The following RALGPS1 variants were observed in gnomAD, a reference collection of about 807,000 sequenced individuals.
The protein encoded by RALGPS1 is Ral GEF with PH domain and SH3 binding motif 1, also known as ras-specific guanine nucleotide-releasing factor RalGPS1.
Under a neutral mutation model 78.8 loss-of-function variants are expected in RALGPS1, and 19 were observed. The ratio of observed to expected loss-of-function variants is 0.24; its 90% confidence interval spans 0.17 to 0.35. The LOEUF is 0.35. Among genes scored for constraint, RALGPS1 ranks in the 10% least tolerant of loss-of-function variants. The pLI, the probability that RALGPS1 is intolerant of heterozygous loss-of-function variation, is 1.00. For missense variants in RALGPS1, 454 were observed against 688.3 expected, an observed-to-expected ratio of 0.66 and a Z score of 3.81; for synonymous variants, 228 against 256.3, an observed-to-expected ratio of 0.89 and a Z score of 1.06.
rs184602532 is a variant in RALGPS1 at position 127,205,269 on chromosome 9, G to A, written c.1247+6203G>A. ...AGCCTCTTCAGGTCCCAGGCCCCCC[G>A]TCGAGGGATCACTAGGGTTCTCTTC... On this transcript the variant is annotated intron_variant, in intron 14 of 18. Transcript: ENST00000259351. The surrounding 1 kb of genome is among the most constrained non-coding windows in gnomAD (Gnocchi z 4.0). Among the ~76,000 whole-genome samples the A allele has an allele frequency of 1.7e-3, 252 of 152,334 alleles. No individual in the cohort carries two copies. Among genetic ancestry groups the A allele is most frequent in the Non-Finnish European group, 3.1e-3 (212 of 68,022 alleles).
At chr9:126,925,993 C>T (rs567313396) in intron 1 of RALGPS1, among the ~76,000 whole-genome samples, 1 of 152,340 alleles carries the variant, frequency 6.6e-6, no homozygotes, top group East Asian at 1.9e-4. Flanking sequence ...ATGTTCTGGT[C>T]ATGGCCTTGT....
intron 11 of RALGPS1, chr9:127,177,991 C>T: frequency 6.5e-7 from 1 of 1,540,936 alleles, no homozygotes; most frequent in Non-Finnish European, 8.8e-7. Flanking sequence ...CATGAAGAGA[C>T]TTTAATGAAC....
chr9:126,946,408 C>G (rs1269511268), intron 1 of RALGPS1, among the ~76,000 whole-genome samples: 1 of 152,006 alleles, frequency 6.6e-6, no homozygotes, highest in Non-Finnish European at 1.5e-5. Context: ...GTGGCACACA[C>G]CTGTAATCCC....
chr9:127,017,572 A>G (rs1022117154), intron 4 of RALGPS1, among the ~76,000 whole-genome samples: 1 of 152,168 alleles, frequency 6.6e-6, no homozygotes, highest in Non-Finnish European at 1.5e-5. Flanking sequence ...AATCTATAAA[A>G]AATTTTCTTC....
At chr9:127,030,173 T>C (rs887214806) in intron 4 of RALGPS1, among the ~76,000 whole-genome samples, 5 of 152,192 alleles carry the variant, frequency 3.3e-5, no homozygotes, top group Non-Finnish European at 7.3e-5. Context: ...AAAGAAGGTA[T>C]GGCCAGGAGG....
Position 127,050,698 on chromosome 9 carries a change from T to C in RALGPS1, c.390+566T>C, listed in dbSNP as rs188754902. Among the ~76,000 whole-genome samples, 26 of 152,100 alleles carry C rather than the reference T, an allele frequency of 1.7e-4. No individual in the cohort carries two copies. In the East Asian group the frequency reaches 4.8e-3, roughly 28 times the overall value. The stretch of plus-strand genomic sequence containing the variant: ...TCACCTTTTCCCTTCTTTTCCCTTA[T>C]CTCTAGGAATGCTATGCCATCCCGT... On this transcript the variant is annotated intron_variant, in intron 6 of 18. Transcript: ENST00000259351.
chr9:126,953,895 C>T (rs781584648), intron 1 of RALGPS1, among the ~76,000 whole-genome samples: 75 of 152,268 alleles, frequency 4.9e-4, no homozygotes, highest in Middle Eastern at 3.4e-3. Context: ...GTCCCCAGAG[C>T]CCATTTAATC....
intron 11 of RALGPS1, among the ~76,000 whole-genome samples, chr9:127,186,248 C>T (rs189698776): frequency 3.9e-4 from 60 of 152,230 alleles, no homozygotes; most frequent in Admixed American, 3.9e-3. Context: ...GCTAAAGAAA[C>T]AGCCACTTAA....
rs1257576382 is a variant in RALGPS1, at chr9:127,222,221, C to T, written c.*3452C>T. On this transcript the variant is annotated 3_prime_UTR_variant, in exon 19 of 19. Coordinates refer to ENST00000259351, the MANE Select transcript of RALGPS1 (RefSeq NM_014636.3). ...ACCTATCTCCTTAGGCAAGACTTTG[C>T]CTCTCTCCTAGTCCTGAGTATAAAT... is the stretch of plus-strand genomic sequence containing the variant. 6.6e-6 allele frequency: 1 copy of T among 152,240 alleles called. No homozygotes were observed. Among genetic ancestry groups the T allele is most frequent in the Non-Finnish European group, 1.5e-5 (1 of 68,072 alleles). 9.4% of individuals were successfully genotyped at this position (152,240 alleles called of 1,614,324 possible).
intron 7 of RALGPS1, among the ~76,000 whole-genome samples, chr9:127,064,501 A>G (rs2049503937): frequency 6.6e-6 from 1 of 152,230 alleles, no homozygotes; most frequent in African/African-American, 2.4e-5. Context: ...TAGTGAAACA[A>G]CTAACATTCG....
rs1474492210 is a variant in RALGPS1 at position 127,166,163 on chromosome 9, T to C, written c.705T>C (p.Asn235=). The C allele has an allele frequency of 2.5e-6, 4 of 1,613,844 alleles. No individual in the cohort carries two copies. Among genetic ancestry groups the C allele is most frequent in the Admixed American group, 1.7e-5 (1 of 59,958 alleles). Residue 235 remains asparagine, a synonymous_variant, in exon 9 of 19, where the codon AAT becomes AAC. Transcript: ENST00000259351. ...ENEQRSNQMN[N]ILRIIADLQV... ...AACAAAGATCCAATCAGATGAACAA[T>C]ATTCTTCGAATAATTGCTGATTTAC...
chr9:127,073,666 A>G (rs1003467737), intron 8 of RALGPS1, among the ~76,000 whole-genome samples: 4 of 152,132 alleles, frequency 2.6e-5, no homozygotes, highest in African/African-American at 7.2e-5. Flanking sequence ...TTTTCAAGCA[A>G]TCGCTATACT....
chr9:127,102,909 C>T (rs763464750), intron 8 of RALGPS1, among the ~76,000 whole-genome samples: 134 of 152,232 alleles, frequency 8.8e-4, no homozygotes, highest in Non-Finnish European at 1.4e-3. Flanking sequence ...AAACAGCACA[C>T]GCTCTGGAGG....
rs1048548179 is a variant in RALGPS1, at chr9:127,222,437, A to G, written c.*3668A>G. ...AAGGTGGAATGAGAGAGTAGGGTCA[A>G]ACTGTCACAGTATCTGCTCCATAGG... On this transcript the variant is annotated 3_prime_UTR_variant, in exon 19 of 19. Coordinates refer to ENST00000259351, the MANE Select transcript of RALGPS1 (RefSeq NM_014636.3). The G allele has an allele frequency of 4.6e-5, 7 of 152,272 alleles. No individual in the cohort carries two copies. The highest frequency in any genetic ancestry group is 1.7e-4 in the African/African-American group (7 of 41,466). 9.4% of individuals were successfully genotyped at this position (152,272 alleles called of 1,614,324 possible).
chr9:126,926,089 C>A (rs1192936955), intron 1 of RALGPS1, among the ~76,000 whole-genome samples: 1 of 152,230 alleles, frequency 6.6e-6, no homozygotes, highest in African/African-American at 2.4e-5. Context: ...CCAAAAGCAT[C>A]TATTACTGAA....
chr9:127,192,200 CAA>C (rs1330091175), intron 11 of RALGPS1, among the ~76,000 whole-genome samples: 3 of 152,170 alleles, frequency 2.0e-5, no homozygotes, highest in African/African-American at 7.2e-5. Context: ...CAGTCAGTGA[CAA>C]GAGAGGTGGG....
intron 14 of RALGPS1, among the ~76,000 whole-genome samples, chr9:127,201,794 C>T (rs1208841105): frequency 1.3e-5 from 2 of 152,208 alleles, no homozygotes; most frequent in African/African-American, 4.8e-5. Context: ...GACTGAGTGT[C>T]AGCCTGCCTG....
intron 1 of RALGPS1, among the ~76,000 whole-genome samples, chr9:126,958,100 C>T (rs1239805867): frequency 7.3e-6 from 1 of 136,796 alleles, no homozygotes; most frequent in African/African-American, 2.6e-5. Context: ...CACTGCACTC[C>T]AAACTGGGAA....
intron 1 of RALGPS1, among the ~76,000 whole-genome samples, chr9:126,923,748 C>T (rs1361145277): frequency 1.3e-5 from 2 of 152,214 alleles, no homozygotes; most frequent in Non-Finnish European, 2.9e-5. Flanking sequence ...TAGCACACTA[C>T]AGCCTTCAGC....
Sources: gnomAD v4.1 joint callset for allele counts (sites outside exome capture counted in the v4.1 genomes callset) on GRCh38, gnomAD v4.1.1 for gene constraint, Gnocchi (gnomAD v3.1) non-coding constraint, MANE v1.5 for transcripts, NCBI Gene and HGNC (gene_info 2026-07-23, HGNC 2026-07-21) for gene names.